Variants in ALK observed in about 807,000 individuals in gnomAD.
The protein encoded by ALK is ALK tyrosine kinase receptor.
ALK carries 74 observed loss-of-function variants against 163.1 expected under a neutral mutation model. The ratio of observed to expected loss-of-function variants is 0.45; its 90% confidence interval spans 0.38 to 0.55. The LOEUF (loss-of-function observed/expected upper bound fraction) is 0.55. Among genes scored for constraint, ALK ranks in the 20% least tolerant of loss-of-function variants. The pLI is 0.00. For missense variants in ALK, 2,063 were observed against 2,105.3 expected, an observed-to-expected ratio of 0.98 and a Z score of 0.39; for synonymous variants, 960 against 843.2, an observed-to-expected ratio of 1.14 and a Z score of -2.40.
chr2:29,817,964 G>A (rs548190495), intron 1 of ALK, among the ~76,000 whole-genome samples: 2 of 152,116 alleles, frequency 1.3e-5, no homozygotes, highest in Non-Finnish European at 2.9e-5. Context: ...AAGCGCTTAT[G>A]GCCAGTCCTC....
chr2:29,541,667 T>A (rs1019877703), intron 3 of ALK, among the ~76,000 whole-genome samples: 21 of 152,246 alleles, frequency 1.4e-4, no homozygotes, highest in African/African-American at 5.1e-4. Context: ...CTATATCTAT[T>A]TGACATATTT....
At chr2:29,909,033 C>T (rs1007061546) in intron 1 of ALK, among the ~76,000 whole-genome samples, 1 of 152,162 alleles carries the variant, frequency 6.6e-6, no homozygotes, top group African/African-American at 2.4e-5. Context: ...ATTCCCTTGT[C>T]TAATTTCTCT....
chr2:29,426,608 G>C (rs905605578), intron 4 of ALK, among the ~76,000 whole-genome samples: 1 of 152,026 alleles, frequency 6.6e-6, no homozygotes, highest in Non-Finnish European at 1.5e-5. Flanking sequence ...ATTTCTTCAG[G>C]CTGAAAGTAA....
intron 3 of ALK, among the ~76,000 whole-genome samples, chr2:29,649,217 T>TGAGAGAGAGAGAGAGAGAGA (rs141534978): frequency 6.8e-6 from 1 of 147,440 alleles, no homozygotes; most frequent in African/African-American, 2.5e-5. Flanking sequence ...TGTGTGTATG[T>TGAGAGAGAGAGAGAGAGAGA]GAGAGAGAGA....
chr2:29,828,306 A>C (rs2148384139), intron 1 of ALK, among the ~76,000 whole-genome samples: 2 of 152,354 alleles, frequency 1.3e-5, no homozygotes, highest in East Asian at 3.9e-4. Context: ...CAAAAGCCAA[A>C]ATTGACAAAT....
intron 4 of ALK, among the ~76,000 whole-genome samples, chr2:29,452,423 C>T (rs915596404): frequency 6.6e-6 from 1 of 151,762 alleles, no homozygotes; most frequent in Admixed American, 6.6e-5. Context: ...TAAAGTAGAC[C>T]TCTTTGCTCT....
At chr2:29,355,881 C>A (rs1301887420) in intron 5 of ALK, among the ~76,000 whole-genome samples, 1 of 152,188 alleles carries the variant, frequency 6.6e-6, no homozygotes, top group Admixed American at 6.5e-5. Flanking sequence ...ACCTAAGACT[C>A]TCTGGCTTCC....
intron 1 of ALK, among the ~76,000 whole-genome samples, chr2:29,889,424 T>A (rs1667076454): frequency 6.6e-6 from 1 of 152,138 alleles, no homozygotes. Context: ...AATATGGCAA[T>A]GTCTAGATTA....
At chr2:29,666,280 A>G (rs1311964629) in intron 3 of ALK, among the ~76,000 whole-genome samples, 1 of 152,156 alleles carries the variant, frequency 6.6e-6, no homozygotes, top group Non-Finnish European at 1.5e-5. Context: ...CTATATTAAC[A>G]GGGATTGAAT....
chr2:29,698,071 C>T (rs1380225510), intron 2 of ALK, among the ~76,000 whole-genome samples: 3 of 152,112 alleles, frequency 2.0e-5, no homozygotes, highest in Non-Finnish European at 4.4e-5. Flanking sequence ...TCCTTCTGGC[C>T]CTAAGGTTAA....
At chr2:29,651,134 A>T (rs1293636123) in intron 3 of ALK, among the ~76,000 whole-genome samples, 1 of 152,120 alleles carries the variant, frequency 6.6e-6, no homozygotes, top group Non-Finnish European at 1.5e-5. Context: ...CCCTGTTCTC[A>T]GTTAAGAGCT....
intron 1 of ALK, among the ~76,000 whole-genome samples, chr2:29,852,075 T>C (rs569483029): frequency 6.6e-6 from 1 of 152,182 alleles, no homozygotes; most frequent in African/African-American, 2.4e-5. Flanking sequence ...CAAAAACTCA[T>C]CGATTTTTCT....
At chr2:29,283,294 G>A (rs1016963138) in intron 9 of ALK, among the ~76,000 whole-genome samples, 6 of 152,162 alleles carry the variant, frequency 3.9e-5, no homozygotes, top group Admixed American at 6.5e-5. Flanking sequence ...TATGTACTCC[G>A]TACCATCGGA....
At chr2:29,842,962 C>T (rs1665739918) in intron 1 of ALK, among the ~76,000 whole-genome samples, 1 of 152,160 alleles carries the variant, frequency 6.6e-6, no homozygotes, top group African/African-American at 2.4e-5. Context: ...GCATAAAGGA[C>T]AGAGGAAATG....
At chr2:29,640,167 A>AGGTACATTCTCCAGGTGGATTCTCCAGGT (rs1676661799) in intron 3 of ALK, among the ~76,000 whole-genome samples, 1 of 152,178 alleles carries the variant, frequency 6.6e-6, no homozygotes, top group Non-Finnish European at 1.5e-5. Flanking sequence ...TGGATTCTCA[A>AGGTACATTCTCCAGGTGGATTCTCCAGGT]ACATTCATCT....
chr2:29,767,630 T>G (rs1680899810), intron 1 of ALK, among the ~76,000 whole-genome samples: 1 of 152,186 alleles, frequency 6.6e-6, no homozygotes, highest in African/African-American at 2.4e-5. Flanking sequence ...GGGCCCTTAG[T>G]GAAATAGGCA....
At chr2:29,370,534 A>T (rs968649909) in intron 5 of ALK, among the ~76,000 whole-genome samples, 2 of 152,232 alleles carry the variant, frequency 1.3e-5, no homozygotes, top group African/African-American at 4.8e-5. Flanking sequence ...TAAATTTCAC[A>T]AACGATTGAA....
chr2:29,277,733 G>A (rs1665584364), intron 9 of ALK, among the ~76,000 whole-genome samples: 1 of 152,202 alleles, frequency 6.6e-6, no homozygotes, highest in Admixed American at 6.5e-5. Context: ...TTCAAATCCT[G>A]TTCTGGGTGG....
At chr2:29,308,899 G>T (rs866248194) in intron 8 of ALK, among the ~76,000 whole-genome samples, 66 of 147,190 alleles carry the variant, frequency 4.5e-4, no homozygotes, top group Middle Eastern at 3.5e-3. Flanking sequence ...TTTCTGTCTG[G>T]TTTTTTTTTT....
Sources: allele counts gnomAD v4.1 joint callset (sites outside exome capture counted in the v4.1 genomes callset), GRCh38; gene constraint gnomAD v4.1.1; transcripts MANE v1.5; gene names NCBI Gene and HGNC (gene_info 2026-07-23, HGNC 2026-07-21).